Variants in CSMD1 observed in about 807,000 individuals in gnomAD.
CSMD1 encodes the protein CUB and Sushi multiple domains 1.
CSMD1 carries 213 observed loss-of-function variants against 417.5 expected under a neutral mutation model. That is an observed-to-expected ratio of 0.51 (90% CI 0.46 to 0.57). CSMD1 has a LOEUF of 0.57. Ranked by LOEUF, CSMD1 falls within the 20% of genes least tolerant of loss-of-function variation. CSMD1 has a pLI of 0.00. For synonymous variants in CSMD1, 2,862 were observed against 1,736.8 expected, an observed-to-expected ratio of 1.65 and a Z score of -16.11; for missense variants, 6,923 against 4,529.7, an observed-to-expected ratio of 1.53 and a Z score of -15.17.
chr8:3,855,182 C>T (rs952509733), intron 5 of CSMD1, among the ~76,000 whole-genome samples: 1 of 152,088 alleles, frequency 6.6e-6, no homozygotes, highest in African/African-American at 2.4e-5. Context: ...TTCAATATAA[C>T]AAAGATGTAT....
chr8:4,925,498 T>C (rs1806795744), intron 1 of CSMD1, among the ~76,000 whole-genome samples: 1 of 152,024 alleles, frequency 6.6e-6, no homozygotes, highest in South Asian at 2.1e-4. Flanking sequence ...TAGTCTTGTG[T>C]TCCTTATTCT....
chr8:4,189,690 G>C (rs1367066774), intron 3 of CSMD1, among the ~76,000 whole-genome samples: 3 of 152,110 alleles, frequency 2.0e-5, no homozygotes, highest in Admixed American at 1.3e-4. Context: ...AACGGAAAGA[G>C]TGTTGAGAAT....
intron 1 of CSMD1, among the ~76,000 whole-genome samples, chr8:4,760,360 C>T (rs764896624): frequency 6.6e-5 from 10 of 152,102 alleles, no homozygotes; most frequent in South Asian, 4.1e-4. Context: ...GAAGGTGAAT[C>T]GAGGACATGT....
At chr8:3,996,843 G>A (rs1310011489) in intron 5 of CSMD1, among the ~76,000 whole-genome samples, 1 of 152,172 alleles carries the variant, frequency 6.6e-6, no homozygotes, top group African/African-American at 2.4e-5. Context: ...TGAGCCTTGT[G>A]ATTTGGAAAA....
At chr8:4,575,403 G>A (rs916329307) in intron 2 of CSMD1, among the ~76,000 whole-genome samples, 4 of 152,154 alleles carry the variant, frequency 2.6e-5, no homozygotes, top group Non-Finnish European at 5.9e-5. Flanking sequence ...TTTAAGTCCT[G>A]GGTTGTAGAA....
At position 3,116,160 on chromosome 8, in the gene CSMD1, T is replaced by G. The variant is rs182812797; in HGVS notation, c.6430+2239A>C. On this transcript the variant is annotated intron_variant, in intron 42 of 69. Coordinates refer to ENST00000635120, the MANE Select transcript of CSMD1 (RefSeq NM_033225.6). ...CCTTTTGCGTTAAATAACACCTTTT[T>G]TAATATGAAAAGGATATTAAACACA... 2.6e-5 allele frequency among the ~76,000 whole-genome samples: 4 copies of G among 152,318 alleles called. No individual in the cohort carries two copies. The East Asian group carries it at 7.7e-4, about 29-fold the overall frequency.
intron 1 of CSMD1, among the ~76,000 whole-genome samples, chr8:4,842,250 A>C (rs144119285): frequency 7.2e-5 from 11 of 152,324 alleles, no homozygotes; most frequent in African/African-American, 2.6e-4. Context: ...GTCAAAGCTT[A>C]TTTTCATATA....
At chr8:4,471,125 T>C (rs759229231) in intron 2 of CSMD1, among the ~76,000 whole-genome samples, 33 of 152,194 alleles carry the variant, frequency 2.2e-4, no homozygotes, top group Admixed American at 1.2e-3. Flanking sequence ...ATTTTTAAAA[T>C]TATCCTTCAA....
chr8:4,524,460 G>A (rs1796402449), intron 2 of CSMD1, among the ~76,000 whole-genome samples: 1 of 152,110 alleles, frequency 6.6e-6, no homozygotes, highest in Non-Finnish European at 1.5e-5. Flanking sequence ...GCTGAAACAG[G>A]ACAGCTGAGT....
At chr8:3,820,916 TC>T (rs1801700313) in intron 5 of CSMD1, among the ~76,000 whole-genome samples, 1 of 151,950 alleles carries the variant, frequency 6.6e-6, no homozygotes, top group Admixed American at 6.6e-5. Context: ...GGGTGTTCTA[TC>T]TTTTTTTTAA....
chr8:4,963,124 G>A (rs953205053), intron 1 of CSMD1, among the ~76,000 whole-genome samples: 2 of 152,094 alleles, frequency 1.3e-5, no homozygotes, highest in East Asian at 3.9e-4. Context: ...CCCATGGGTG[G>A]CCCTCCTACA....
intron 10 of CSMD1, among the ~76,000 whole-genome samples, chr8:3,494,349 C>T (rs993871711): frequency 1.3e-5 from 2 of 152,144 alleles, no homozygotes. Context: ...TAACTTCTTT[C>T]TGTAGAGCAC....
At chr8:3,677,124 C>G (rs921918586) in intron 7 of CSMD1, among the ~76,000 whole-genome samples, 1 of 152,024 alleles carries the variant, frequency 6.6e-6, no homozygotes, top group Non-Finnish European at 1.5e-5. Flanking sequence ...TTCTATGTAA[C>G]AAGCCTGCAC....
At chr8:4,937,378 G>A (rs184666818) in intron 1 of CSMD1, among the ~76,000 whole-genome samples, 1 of 152,126 alleles carries the variant, frequency 6.6e-6, no homozygotes, top group Admixed American at 6.6e-5. Context: ...TTGATGTAGT[G>A]TATTCTTTAC....
intron 38 of CSMD1, among the ~76,000 whole-genome samples, chr8:3,158,264 G>A: frequency 6.7e-6 from 1 of 149,474 alleles, no homozygotes; most frequent in South Asian, 2.1e-4. Context: ...GTACTGAATT[G>A]GGCAAAATAT....
intron 25 of CSMD1, among the ~76,000 whole-genome samples, chr8:3,304,727 TC>T (rs1804688423): frequency 3.6e-5 from 1 of 27,718 alleles, no homozygotes; most frequent in Non-Finnish European, 1.2e-4. Flanking sequence ...TTTTTATTTT[TC>T]TCTTTTTAAT....
At chr8:4,059,586 T>C (rs1429611707) in intron 3 of CSMD1, among the ~76,000 whole-genome samples, 202 of 151,464 alleles carry the variant, frequency 1.3e-3, no homozygotes, top group Admixed American at 3.2e-3. Context: ...ATCAAATAGA[T>C]GCAATAAAAA....
intron 9 of CSMD1, among the ~76,000 whole-genome samples, chr8:3,584,050 C>G (rs905040731): frequency 5.3e-5 from 8 of 152,066 alleles, no homozygotes; most frequent in African/African-American, 1.9e-4. Flanking sequence ...TTATTTCCAG[C>G]AGTATAAGTC....
In CSMD1 at chr8:3,449,576, G is replaced by T. The variant is rs527795426; in HGVS notation, c.1561+19136C>A. On this transcript the variant is annotated intron_variant, in intron 12 of 69. Transcript: ENST00000635120. ...CTTGTTGCCCAGGCTGGAGTGCAATGGCACAATATTGGCTCACTGCAAACT... is the reference window on the plus strand; with the variant it reads ...CTTGTTGCCCAGGCTGGAGTGCAATTGCACAATATTGGCTCACTGCAAACT... 2.2e-3 allele frequency among the ~76,000 whole-genome samples: 334 copies of T among 151,778 alleles called. 3 individuals carry two copies. Among genetic ancestry groups the T allele is most frequent in the Non-Finnish European group, 2.4e-3 (160 of 67,968 alleles).
Sources: allele counts gnomAD v4.1 joint callset (sites outside exome capture counted in the v4.1 genomes callset), GRCh38; gene constraint gnomAD v4.1.1; transcripts MANE v1.5; gene names NCBI Gene and HGNC (gene_info 2026-07-23, HGNC 2026-07-21).